Variants in UTP20 observed in about 807,000 individuals in gnomAD.
UTP20 encodes the protein small subunit processome component 20 homolog.
Under a neutral mutation model 329.5 loss-of-function variants are expected in UTP20, and 164 were observed. That is an observed-to-expected ratio of 0.50 (90% CI 0.44 to 0.57). UTP20 has a LOEUF of 0.57. Among genes scored for constraint, UTP20 ranks in the 20% least tolerant of loss-of-function variants. The probability of loss-of-function intolerance (pLI) is 0.00; values close to 1 mark genes in which losing one functional copy is unlikely to be tolerated. For missense variants in UTP20, 3,055 were observed against 3,284.2 expected (o/e 0.93, Z 1.71); for synonymous variants, 1,151 against 1,159.3 (o/e 0.99, Z 0.14).
At chr12:101,283,270 C>T (rs17413303) in intron 2 of UTP20, among the ~76,000 whole-genome samples, 1,918 of 152,278 alleles carry the variant, frequency 0.013, 11 homozygotes, top group South Asian at 0.031. Flanking sequence ...GCCTCTGTCA[C>T]GTGTCTGGCA....
chr12:101,375,096 TCC>T (rs755793002), intron 55 of UTP20, among the ~76,000 whole-genome samples, 157 bp downstream of exon 55: 3 of 152,222 alleles, frequency 2.0e-5, no homozygotes, highest in African/African-American at 4.8e-5. Flanking sequence ...TCAAACAGTG[TCC>T]TTTATCATAA....
At chr12:101,293,847 T>A (rs992042756) in intron 11 of UTP20, among the ~76,000 whole-genome samples, 2 of 152,196 alleles carry the variant, frequency 1.3e-5, no homozygotes, top group African/African-American at 2.4e-5. Context: ...GTTTAACAAC[T>A]GCATTTTTCC....
At chr12:101,379,692 G>T in intron 57 of UTP20, 134 bp downstream of exon 57, 1 of 954,604 alleles carries the variant, frequency 1.0e-6, no homozygotes, top group Non-Finnish European at 1.5e-6. Flanking sequence ...GAATCAATAG[G>T]AATATTAGTC....
chr12:101,354,474 T>C (rs1426519661), intron 40 of UTP20, among the ~76,000 whole-genome samples: 1 of 152,082 alleles, frequency 6.6e-6, no homozygotes, highest in African/African-American at 2.4e-5. Flanking sequence ...TGACAAAGAC[T>C]CTGGGCAGTT....
At chr12:101,330,723 G>A (rs1418072801) in intron 27 of UTP20, among the ~76,000 whole-genome samples, 1 of 152,142 alleles carries the variant, frequency 6.6e-6, no homozygotes, top group Non-Finnish European at 1.5e-5. Context: ...CCTGTGTAGT[G>A]CCTTCACATT....
intron 19 of UTP20, among the ~76,000 whole-genome samples, chr12:101,311,348 A>G (rs1310297706): frequency 2.0e-5 from 3 of 152,142 alleles, no homozygotes; most frequent in African/African-American, 7.2e-5. Flanking sequence ...GTGGAGGGAA[A>G]CTAATTATTT....
intron 38 of UTP20, among the ~76,000 whole-genome samples, chr12:101,348,510 T>C (rs1337956623): frequency 2.0e-5 from 3 of 152,096 alleles, no homozygotes; most frequent in Non-Finnish European, 2.9e-5. Flanking sequence ...TAGTCAATTA[T>C]CTTTTAAGGA....
At chr12:101,342,418 A>G in intron 32 of UTP20, 28 bp from the exon 33 acceptor site, 3 of 1,571,320 alleles carry the variant, frequency 1.9e-6, no homozygotes, top group Non-Finnish European at 2.6e-6. Context: ...TTACTGAAAT[A>G]TGATTTCTCT....
At chr12:101,284,867 G>A (rs1593415522) in intron 2 of UTP20, among the ~76,000 whole-genome samples, 2 of 152,036 alleles carry the variant, frequency 1.3e-5, no homozygotes, top group South Asian at 4.1e-4. Context: ...TTTATAGAGG[G>A]TTTTTTATTT....
chr12:101,353,684 A>G (rs1593445377), intron 40 of UTP20, among the ~76,000 whole-genome samples: 2 of 152,298 alleles, frequency 1.3e-5, no homozygotes, highest in Admixed American at 1.3e-4. Flanking sequence ...GGCTTGGGTG[A>G]CAGAGTGAGA....
chr12:101,322,392 ACT>A (rs1246833736), intron 25 of UTP20, among the ~76,000 whole-genome samples: 3 of 152,160 alleles, frequency 2.0e-5, no homozygotes, highest in Admixed American at 1.3e-4. Context: ...GAAATATTTC[ACT>A]CTGTTTTCCA....
intron 12 of UTP20, among the ~76,000 whole-genome samples, chr12:101,297,116 GT>G (rs535373869): frequency 1.4e-4 from 22 of 152,194 alleles, no homozygotes; most frequent in Non-Finnish European, 2.6e-4. Context: ...ATCCATGGAG[GT>G]GGGAGTTACT....
chr12:101,340,937 C>CTTTTTTTTTTTT (rs71091488), intron 32 of UTP20, among the ~76,000 whole-genome samples: 6 of 83,024 alleles, frequency 7.2e-5, no homozygotes, highest in Non-Finnish European at 1.4e-4. Flanking sequence ...ATTGTGTAAT[C>CTTTTTTTTTTTT]TTTTTTTTTT....
intron 25 of UTP20, among the ~76,000 whole-genome samples, chr12:101,326,667 G>A (rs1231504805): frequency 2.7e-5 from 4 of 150,856 alleles, no homozygotes; most frequent in African/African-American, 7.3e-5. Context: ...CCTTTGATTT[G>A]CCTACTTTTT....
At chr12:101,344,889 G>T in intron 36 of UTP20, 139 bp downstream of exon 36, 1 of 365,850 alleles carries the variant, frequency 2.7e-6, no homozygotes, top group Non-Finnish European at 5.0e-6. Context: ...ATAGTCACCA[G>T]ACTTTTAATG....
chr12:101,358,348 C>T (rs941453583), intron 43 of UTP20, among the ~76,000 whole-genome samples: 3 of 152,166 alleles, frequency 2.0e-5, no homozygotes, highest in African/African-American at 4.8e-5. Context: ...TTAACGTCTC[C>T]GTATACTGAA....
rs1869545120 is a variant in UTP20, at chr12:101,352,035, G to A, written c.4885-20G>A. ...TAGCAAATACTTGTTCTGCATTGAT[G>A]TTCTTGATTTGTTTTACAGCATGAA... On this transcript the variant is annotated intron_variant, in intron 38 of 61. Coordinates refer to ENST00000261637, the MANE Select transcript of UTP20 (RefSeq NM_014503.3). 2.5e-6 allele frequency: 4 copies of A among 1,611,528 alleles called. No individual in the cohort carries two copies. In the East Asian group the frequency reaches 6.7e-5, roughly 27 times the overall value.
At chr12:101,296,036 G>A (rs1375465339) in intron 12 of UTP20, among the ~76,000 whole-genome samples, 2 of 152,178 alleles carry the variant, frequency 1.3e-5, no homozygotes, top group Admixed American at 6.5e-5. Flanking sequence ...TCTTCACTCA[G>A]ATTACTCCAT....
chr12:101,385,611 A>C lies in UTP20; in HGVS notation c.8085A>C (p.Glu2695Asp), dbSNP rs149907561. 2.0e-5 allele frequency: 33 copies of C among 1,613,758 alleles called. No homozygotes were observed. The highest frequency in any genetic ancestry group is 2.7e-5 in the African/African-American group (2 of 74,996). Reference sequence around the variant, plus strand: ...CTTTGCTGAAGAATCTATCCCAGGAAATCATAGAATTACTCAAAAAGCTGG... The same window carrying C: ...CTTTGCTGAAGAATCTATCCCAGGACATCATAGAATTACTCAAAAAGCTGG... Reference protein sequence around the residue: ...QDPLLKNLSQEIIELLKKLVG... With the variant: ...QDPLLKNLSQDIIELLKKLVG... Residue 2695 changes from glutamate to aspartate, a missense_variant, in exon 61 of 62, where the codon GAA (glutamate) becomes GAC (aspartate). This residue lies in a region of UTP20 where 337 missense variants were observed against 345.5 expected (regional missense o/e 0.98). Coordinates refer to ENST00000261637, the MANE Select transcript of UTP20 (RefSeq NM_014503.3).
Sources: gnomAD v4.1 joint callset for allele counts (sites outside exome capture counted in the v4.1 genomes callset) on GRCh38, gnomAD v4.1.1 for gene constraint, gnomAD v4.1.1 regional missense constraint, MANE v1.5 for transcripts, NCBI Gene and HGNC (gene_info 2026-07-23, HGNC 2026-07-21) for gene names.